The following AKAP19 variants were observed in gnomAD, a reference collection of about 807,000 sequenced individuals.
AKAP19 encodes the protein A-kinase anchoring protein 19, also known as small A-kinase anchoring protein.
chr2:190,058,171 C>T, the AKAP19 span, among the ~76,000 whole-genome samples: 17 of 151,952 alleles, frequency 1.1e-4, no homozygotes, highest in South Asian at 2.1e-4. Context: ...GAAGAAGAGA[C>T]GATGATATTT....
chr2:189,950,334 G>GTTTTTTT, the AKAP19 span, among the ~76,000 whole-genome samples: 1 of 137,540 alleles, frequency 7.3e-6, no homozygotes, highest in Non-Finnish European at 1.5e-5. Flanking sequence ...AGCCTTTTTT[G>GTTTTTTT]TTTTTTTTTT....
At chr2:190,202,479 T>C in the AKAP19 span, 1 of 166,998 alleles carries the variant, frequency 6.0e-6, no homozygotes, top group Non-Finnish European at 1.5e-5. Flanking sequence ...AATAAACAAA[T>C]TTACATTACA....
chr2:189,974,284 C>T, the AKAP19 span, among the ~76,000 whole-genome samples: 5 of 152,080 alleles, frequency 3.3e-5, no homozygotes, highest in East Asian at 5.8e-4. Context: ...TGTAGTTGAA[C>T]GGTTTTGAGT....
the AKAP19 span, among the ~76,000 whole-genome samples, chr2:189,967,545 A>G: frequency 6.6e-6 from 1 of 152,226 alleles, no homozygotes; most frequent in Admixed American, 6.5e-5. Flanking sequence ...GGGTGAAATA[A>G]AACTATCGGA....
chr2:190,035,689 T>G, the AKAP19 span, among the ~76,000 whole-genome samples: 1 of 152,180 alleles, frequency 6.6e-6, no homozygotes, highest in Non-Finnish European at 1.5e-5. Context: ...AAAAGCCTTT[T>G]GTGTCTGGAT....
the AKAP19 span, among the ~76,000 whole-genome samples, chr2:190,139,589 C>T: frequency 1.1e-4 from 17 of 152,146 alleles, no homozygotes; most frequent in South Asian, 2.1e-4. Context: ...TGCATGGTGG[C>T]GGCAAGGAGT....
At chr2:190,103,976 T>A in the AKAP19 span, among the ~76,000 whole-genome samples, 1 of 152,164 alleles carries the variant, frequency 6.6e-6, no homozygotes, top group Non-Finnish European at 1.5e-5. Flanking sequence ...ATGGTACTGG[T>A]ACAAAAACAG....
the AKAP19 span, chr2:190,060,511 C>G: frequency 7.4e-7 from 1 of 1,358,040 alleles, no homozygotes. Flanking sequence ...AATAGTTGAG[C>G]ATTTTTTTAA....
At chr2:189,956,016 G>T in the AKAP19 span, among the ~76,000 whole-genome samples, 15 of 152,072 alleles carry the variant, frequency 9.9e-5, no homozygotes, top group East Asian at 2.7e-3. Flanking sequence ...CTAAATTTGG[G>T]TGTAAGAACA....
the AKAP19 span, among the ~76,000 whole-genome samples, chr2:189,977,759 G>T: frequency 6.6e-6 from 1 of 152,092 alleles, no homozygotes; most frequent in African/African-American, 2.4e-5. Flanking sequence ...AAGTTGTGGA[G>T]ATATTAAAAA....
At chr2:189,956,411 C>T in the AKAP19 span, among the ~76,000 whole-genome samples, 11 of 151,676 alleles carry the variant, frequency 7.3e-5, no homozygotes, top group South Asian at 2.1e-4. Flanking sequence ...CCTCGTGATC[C>T]GCCCGCCTCG....
chr2:189,940,976 G>A, the AKAP19 span, among the ~76,000 whole-genome samples: 7 of 152,250 alleles, frequency 4.6e-5, no homozygotes, highest in Admixed American at 3.9e-4. Context: ...CAAAGGTCAA[G>A]GATAAATGGA....
chr2:190,021,817 G>A, the AKAP19 span, among the ~76,000 whole-genome samples: 4 of 152,304 alleles, frequency 2.6e-5, no homozygotes, highest in African/African-American at 7.2e-5. Flanking sequence ...TTTAGGTGTT[G>A]CCTTAGTCTG....
At chr2:189,897,210 TTTC>T in the AKAP19 span, among the ~76,000 whole-genome samples, 13 of 152,154 alleles carry the variant, frequency 8.5e-5, no homozygotes, top group Admixed American at 2.6e-4. Flanking sequence ...TTTTTATCTA[TTTC>T]TTAAGGGAAT....
the AKAP19 span, among the ~76,000 whole-genome samples, chr2:190,169,176 A>G: frequency 6.6e-5 from 10 of 152,272 alleles, no homozygotes; most frequent in African/African-American, 2.4e-4. Flanking sequence ...GAGAAAAGAG[A>G]GCTTGTCCAG....
the AKAP19 span, among the ~76,000 whole-genome samples, chr2:190,035,620 A>T: frequency 7.2e-6 from 1 of 139,454 alleles, no homozygotes; most frequent in Non-Finnish European, 1.5e-5. Flanking sequence ...CCTGAAAACC[A>T]CTGATTTATT....
At chr2:190,108,446 A>T in the AKAP19 span, among the ~76,000 whole-genome samples, 2 of 152,234 alleles carry the variant, frequency 1.3e-5, no homozygotes, top group Non-Finnish European at 2.9e-5. Flanking sequence ...GTCAGCCACT[A>T]TGCCCGGCCC....
the AKAP19 span, among the ~76,000 whole-genome samples, chr2:190,053,576 T>A: frequency 6.6e-6 from 1 of 152,170 alleles, no homozygotes; most frequent in African/African-American, 2.4e-5. Context: ...CGTTTTGCAG[T>A]GTGTAAACTG....
At chr2:189,914,557 T>C in the AKAP19 span, among the ~76,000 whole-genome samples, 2 of 152,120 alleles carry the variant, frequency 1.3e-5, no homozygotes, top group East Asian at 3.8e-4. Flanking sequence ...TATAATACTT[T>C]CTTAGAATGA....
Sources: allele counts gnomAD v4.1 joint callset (sites outside exome capture counted in the v4.1 genomes callset), GRCh38; gene constraint gnomAD v4.1.1; transcripts MANE v1.5; gene names NCBI Gene and HGNC (gene_info 2026-07-23, HGNC 2026-07-21).